Variants in MAP2K1 observed in about 807,000 individuals in gnomAD.
The protein encoded by MAP2K1 is dual specificity mitogen-activated protein kinase kinase 1.
In MAP2K1, 16 loss-of-function variants were observed where a neutral mutation model predicts 46.3. That is an observed-to-expected ratio of 0.35 (90% CI 0.23 to 0.52). The LOEUF is 0.52. Among genes scored for constraint, MAP2K1 ranks in the 20% least tolerant of loss-of-function variants. The pLI is 0.94. For missense variants in MAP2K1, 263 were observed against 497.1 expected (o/e 0.53, Z 4.48); for synonymous variants, 183 against 185.6 (o/e 0.99, Z 0.11).
chr15:66,397,527 A>C (rs539379089), intron 1 of MAP2K1, among the ~76,000 whole-genome samples: 1 of 152,330 alleles, frequency 6.6e-6, no homozygotes, highest in South Asian at 2.1e-4. Context: ...TGGATGTGTT[A>C]ATGATGCCGG....
chr15:66,387,678 C>T (rs2093345332), intron 1 of MAP2K1, among the ~76,000 whole-genome samples: 1 of 152,206 alleles, frequency 6.6e-6, no homozygotes, highest in African/African-American at 2.4e-5. Flanking sequence ...TGGTTCCTGG[C>T]CACTGTACAG....
chr15:66,424,171 T>A (rs994028781), intron 1 of MAP2K1, among the ~76,000 whole-genome samples: 11 of 151,244 alleles, frequency 7.3e-5, no homozygotes, highest in Non-Finnish European at 1.5e-4. Context: ...GACTCTCCTG[T>A]CTCAGCCTCC....
At chr15:66,452,287 T>TAAAAAAAAAAAAAA (rs146502834) in intron 5 of MAP2K1, among the ~76,000 whole-genome samples, 6 of 103,570 alleles carry the variant, frequency 5.8e-5, no homozygotes, top group South Asian at 7.1e-4. Flanking sequence ...TAGAGTATAA[T>TAAAAAAAAAAAAAA]AAAAAAAAAA....
At position 66,396,995 on chromosome 15, in the gene MAP2K1, CTTTTTTT is replaced by C. The variant is rs57043037; in HGVS notation, c.80+9589_80+9595del. On this transcript the variant is annotated intron_variant, in intron 1 of 10. Coordinates refer to ENST00000307102, the MANE Select transcript of MAP2K1 (RefSeq NM_002755.4). The stretch of plus-strand genomic sequence containing the variant: ...CTACCATGCCTGGCCTGTAACGCTT[CTTTTTTT>C]TTTTTTTTTTTTTTTTTTTTGAGAT... 3.3e-4 allele frequency among the ~76,000 whole-genome samples: 13 copies of C among 39,270 alleles called. No individual in the cohort carries two copies. The East Asian group carries it at 3.6e-3, about 11-fold the overall frequency. 25.8% of individuals were successfully genotyped at this position (39,270 alleles called of 152,430 possible).
chr15:66,420,755 GTGTGTATGTGTGTATA>G (rs2093436887), intron 1 of MAP2K1, among the ~76,000 whole-genome samples: 5 of 35,902 alleles, frequency 1.4e-4, no homozygotes, highest in Non-Finnish European at 3.2e-4. Flanking sequence ...GTGTGTGTGT[GTGTGTATGTGTGTATA>G]TATATGTGTA....
At chr15:66,396,614 A>C (rs958480070) in intron 1 of MAP2K1, among the ~76,000 whole-genome samples, 18 of 151,974 alleles carry the variant, frequency 1.2e-4, no homozygotes. Context: ...GCTTATCTCC[A>C]ATGTGTGTAG....
At chr15:66,469,452 C>T (rs1336936123) in intron 5 of MAP2K1, among the ~76,000 whole-genome samples, 1 of 139,016 alleles carries the variant, frequency 7.2e-6, no homozygotes. Flanking sequence ...GTTTCTCCCC[C>T]AAAGGGAGTC....
At chr15:66,401,852 A>C (rs941488024) in intron 1 of MAP2K1, 1 of 619,294 alleles carries the variant, frequency 1.6e-6, no homozygotes, top group African/African-American at 1.8e-5. Flanking sequence ...GAGCAACTTC[A>C]CACAAGTGGG....
At chr15:66,484,938 C>T (rs1347820648) in intron 6 of MAP2K1, 52 bp from the exon 7 acceptor site, 1 of 1,469,818 alleles carries the variant, frequency 6.8e-7, no homozygotes, top group African/African-American at 1.4e-5. Flanking sequence ...CATTAGCAGA[C>T]CCAGGGGTCC....
At chr15:66,435,333 C>A in intron 2 of MAP2K1, 96 bp downstream of exon 2, 1 of 964,710 alleles carries the variant, frequency 1.0e-6, no homozygotes, top group Non-Finnish European at 1.6e-6. Context: ...TTACTCAATA[C>A]CTTTTTGTGC....
intron 4 of MAP2K1, among the ~76,000 whole-genome samples, chr15:66,444,209 G>T (rs774722046): frequency 1.3e-5 from 2 of 150,050 alleles, no homozygotes; most frequent in African/African-American, 4.9e-5. Context: ...CTGCACTCCA[G>T]CCTGGGCAAC....
chr15:66,399,658 A>C (rs2093376891), intron 1 of MAP2K1, among the ~76,000 whole-genome samples: 1 of 152,054 alleles, frequency 6.6e-6, no homozygotes, highest in African/African-American at 2.4e-5. Flanking sequence ...GTGCAGTGGC[A>C]CGATCTCATG....
At chr15:66,399,897 C>T (rs757722427) in intron 1 of MAP2K1, among the ~76,000 whole-genome samples, 5 of 151,638 alleles carry the variant, frequency 3.3e-5, no homozygotes, top group East Asian at 2.0e-4. Context: ...GCCTGGCTAT[C>T]GCCCAGCTGT....
In MAP2K1 at chr15:66,387,153, TG is replaced by T; in HGVS notation, c.-191del. ...CGCGCGAAGCCGAGTCCCGGGCGGGTGGGGCGGGGGTCCACTGAGACCGCTA... is the reference window on the plus strand; with the variant it reads ...CGCGCGAAGCCGAGTCCCGGGCGGGTGGGCGGGGGTCCACTGAGACCGCTA... On this transcript the variant is annotated 5_prime_UTR_variant, in exon 1 of 11. Coordinates refer to ENST00000307102, the MANE Select transcript of MAP2K1 (RefSeq NM_002755.4). The T allele has an allele frequency of 2.9e-6, 1 of 343,350 alleles. No individual in the cohort carries two copies. The highest frequency in any genetic ancestry group is 5.1e-6 in the Non-Finnish European group (1 of 194,586). 21.3% of individuals were successfully genotyped at this position (343,350 alleles called of 1,614,324 possible). A position where few individuals can be genotyped will look rare whatever the true frequency, so the allele number is the denominator to read the frequency against.
At chr15:66,396,098 C>T (rs1190888496) in intron 1 of MAP2K1, among the ~76,000 whole-genome samples, 2 of 152,060 alleles carry the variant, frequency 1.3e-5, no homozygotes, top group African/African-American at 4.8e-5. Flanking sequence ...CCTATGCCTC[C>T]CGGGTTCAAG....
At chr15:66,436,236 C>T (rs1452089549) in intron 2 of MAP2K1, among the ~76,000 whole-genome samples, 4 of 152,166 alleles carry the variant, frequency 2.6e-5, no homozygotes, top group Admixed American at 6.6e-5. Context: ...AACCTTACTA[C>T]GTAACTATTT....
At chr15:66,401,953 C>CT in intron 1 of MAP2K1, 21 of 1,345,988 alleles carry the variant, frequency 1.6e-5, no homozygotes, top group Non-Finnish European at 2.1e-5. Context: ...GAGAGGTAGG[C>CT]TGAGGTGGTT....
chr15:66,480,504 A>G (rs1892888156), intron 5 of MAP2K1, among the ~76,000 whole-genome samples: 1 of 152,174 alleles, frequency 6.6e-6, no homozygotes. Flanking sequence ...TGGGAGGCTG[A>G]AGCAGGTGTG....
chr15:66,445,374 A>G (rs1312074793), intron 5 of MAP2K1, among the ~76,000 whole-genome samples: 2 of 152,188 alleles, frequency 1.3e-5, no homozygotes, highest in African/African-American at 4.8e-5. Flanking sequence ...CCTGGGTGGC[A>G]CAGCGAGACA....
Sources: allele counts gnomAD v4.1 joint callset (sites outside exome capture counted in the v4.1 genomes callset), GRCh38; gene constraint gnomAD v4.1.1; transcripts MANE v1.5; gene names NCBI Gene and HGNC (gene_info 2026-07-23, HGNC 2026-07-21).